The following GLIS3 variants were observed in gnomAD, a reference collection of about 807,000 sequenced individuals.
GLIS3 encodes the protein zinc finger protein GLIS3.
GLIS3 carries 53 observed loss-of-function variants against 78.6 expected under a neutral mutation model. The ratio of observed to expected loss-of-function variants is 0.67; its 90% CI spans 0.54 to 0.85. The LOEUF (loss-of-function observed/expected upper bound fraction) is 0.85. GLIS3 is among the 40% of genes least tolerant of loss of function. The probability of loss-of-function intolerance (pLI) is 0.00; values close to 1 mark genes in which losing one functional copy is unlikely to be tolerated. For synonymous variants in GLIS3, 684 were observed against 509.9 expected (o/e 1.34, Z -4.60); for missense variants, 1,703 against 1,231.1 (o/e 1.38, Z -5.74).
intron 1 of GLIS3, among the ~76,000 whole-genome samples, chr9:4,295,286 C>T (rs568722963): frequency 2.0e-5 from 3 of 152,264 alleles, no homozygotes; most frequent in Non-Finnish European, 2.9e-5. Context: ...CTGCTTCCTA[C>T]ACTGGTGTCA....
intron 2 of GLIS3, among the ~76,000 whole-genome samples, chr9:4,218,648 C>G (rs912204683): frequency 3.3e-5 from 5 of 152,160 alleles, no homozygotes; most frequent in African/African-American, 1.2e-4. Flanking sequence ...CCCACATGTT[C>G]CTATGGAGCA....
rs190366288 is a variant in GLIS3, at chr9:4,033,698, G to A, written c.1710+84070C>T. On this transcript the variant is annotated intron_variant, in intron 4 of 10. Coordinates refer to ENST00000381971, the MANE Select transcript of GLIS3 (RefSeq NM_001042413.2). ...TATGCACATTCAAGTTCAAGGGCAG[G>A]TACTAAAACAGGGACCTATTTTGTC... Among the ~76,000 whole-genome samples, 3 of 152,068 alleles carry A rather than the reference G, an allele frequency of 2.0e-5. No individual in the cohort carries two copies. The East Asian group carries it at 5.8e-4, about 29-fold the overall frequency.
At chr9:4,428,237 G>T in the GLIS3 span, among the ~76,000 whole-genome samples, 2 of 152,000 alleles carry the variant, frequency 1.3e-5, no homozygotes, top group South Asian at 4.1e-4. Context: ...CCAGCCCTTT[G>T]GGAGGTTGAG....
At chr9:4,365,251 G>A in the GLIS3 span, among the ~76,000 whole-genome samples, 1 of 152,114 alleles carries the variant, frequency 6.6e-6, no homozygotes, top group African/African-American at 2.4e-5. Context: ...ATATGAGAAA[G>A]TTCATATGCA....
chr9:4,164,168 A>G (rs1404510053), intron 2 of GLIS3, among the ~76,000 whole-genome samples: 2 of 152,196 alleles, frequency 1.3e-5, no homozygotes, highest in South Asian at 4.1e-4. Flanking sequence ...GTGTCCTTAA[A>G]AGCCAACAAT....
chr9:3,919,998 C>T (rs1450473695), intron 6 of GLIS3, among the ~76,000 whole-genome samples: 1 of 124,552 alleles, frequency 8.0e-6, no homozygotes, highest in African/African-American at 2.9e-5. Context: ...TATGCTATTA[C>T]AGTTTTTTTT....
Position 3,849,251 on chromosome 9 carries a change from T to TGAAACGGGTCA in GLIS3, c.2473+6757_2473+6758insTGACCCGTTTC, listed in dbSNP as rs375455050. On this transcript the variant is annotated intron_variant, in intron 9 of 10. Transcript: ENST00000381971. ...GGAAGGATATGAATGAATCTGTCTG[T>TGAAACGGGTCA]GATTAGTCCCATTTTACAGATTAGA... Among the ~76,000 whole-genome samples the TGAAACGGGTCA allele has an allele frequency of 2.3e-3, 358 of 152,346 alleles. 3 individuals carry two copies. The highest frequency in any genetic ancestry group is 8.4e-3 in the African/African-American group (348 of 41,590).
At chr9:4,050,637 T>C (rs1362363797) in intron 4 of GLIS3, among the ~76,000 whole-genome samples, 1 of 152,066 alleles carries the variant, frequency 6.6e-6, no homozygotes, top group Non-Finnish European at 1.5e-5. Flanking sequence ...TTCCGAGGAA[T>C]GTTTGAAGAA....
At chr9:4,210,339 G>T (rs774570361) in intron 2 of GLIS3, among the ~76,000 whole-genome samples, 1 of 152,158 alleles carries the variant, frequency 6.6e-6, no homozygotes, top group African/African-American at 2.4e-5. Flanking sequence ...TGTTATCAGC[G>T]AAGTTCAGCA....
intron 2 of GLIS3, among the ~76,000 whole-genome samples, chr9:4,166,503 A>G (rs775551958): frequency 9.9e-5 from 15 of 152,254 alleles, no homozygotes; most frequent in Non-Finnish European, 1.9e-4. Context: ...CCATTCTTAC[A>G]GCAAAGGGCA....
intron 2 of GLIS3, among the ~76,000 whole-genome samples, chr9:4,218,748 T>C (rs1001360231): frequency 1.3e-5 from 2 of 152,262 alleles, no homozygotes; most frequent in African/African-American, 2.4e-5. Flanking sequence ...ATGTGGCTAA[T>C]GGCTACCATA....
chr9:4,022,663 T>A (rs1822986758), intron 4 of GLIS3, among the ~76,000 whole-genome samples: 1 of 152,038 alleles, frequency 6.6e-6, no homozygotes. Flanking sequence ...AGTCAAAAAC[T>A]GGAAACGGTC....
chr9:4,128,808 A>G (rs1002113984), intron 2 of GLIS3, among the ~76,000 whole-genome samples: 5 of 152,324 alleles, frequency 3.3e-5, no homozygotes, highest in South Asian at 2.1e-4. Context: ...TGTAATAAAG[A>G]AATGCTAATT....
the GLIS3 span, chr9:4,386,493 T>G: frequency 6.6e-6 from 1 of 152,180 alleles, no homozygotes. Flanking sequence ...CCAATTTTAG[T>G]ATATGTGTTA....
At chr9:3,886,206 T>C (rs1175894738) in intron 7 of GLIS3, among the ~76,000 whole-genome samples, 2 of 152,220 alleles carry the variant, frequency 1.3e-5, no homozygotes, top group African/African-American at 4.8e-5. Flanking sequence ...TTCATACAAA[T>C]ATAAACTGTG....
At chr9:4,316,907 G>A (rs1431581478) in intron 2 of GLIS3, among the ~76,000 whole-genome samples, 3 of 152,066 alleles carry the variant, frequency 2.0e-5, no homozygotes, top group Non-Finnish European at 4.4e-5. Flanking sequence ...AACCATCATA[G>A]GAACTTAACT....
At chr9:4,389,306 T>A in the GLIS3 span, among the ~76,000 whole-genome samples, 1 of 152,230 alleles carries the variant, frequency 6.6e-6, no homozygotes, top group Non-Finnish European at 1.5e-5. Context: ...TCATCTAGGT[T>A]GCTAATTCAT....
At chr9:3,964,200 A>G (rs894519669) in intron 4 of GLIS3, among the ~76,000 whole-genome samples, 1 of 152,190 alleles carries the variant, frequency 6.6e-6, no homozygotes, top group African/African-American at 2.4e-5. Flanking sequence ...CATAAATGCT[A>G]TGTATCTCCT....
the GLIS3 span, among the ~76,000 whole-genome samples, chr9:4,353,572 G>A: frequency 6.6e-6 from 1 of 152,082 alleles, no homozygotes; most frequent in African/African-American, 2.4e-5. Flanking sequence ...ACTAAGGACT[G>A]TACTCTGATT....
Sources: gnomAD v4.1 joint callset for allele counts (sites outside exome capture counted in the v4.1 genomes callset) on GRCh38, gnomAD v4.1.1 for gene constraint, MANE v1.5 for transcripts, NCBI Gene and HGNC (gene_info 2026-07-23, HGNC 2026-07-21) for gene names.